Variants in PROZ observed in about 807,000 individuals in gnomAD.
PROZ encodes the protein protein Z, vitamin K dependent plasma glycoprotein.
A neutral mutation model predicts 34.9 loss-of-function variants in PROZ; 46 were observed. That is an observed-to-expected ratio of 1.32 (90% CI 1.04 to 1.69). The LOEUF is 1.69. Ranked by LOEUF, PROZ falls within the 40% of genes most tolerant of loss-of-function variation. The pLI, the probability that PROZ is intolerant of heterozygous loss-of-function variation, is 0.00. For synonymous variants in PROZ, 195 were observed against 208.5 expected, an observed-to-expected ratio of 0.94 and a Z score of 0.56; for missense variants, 530 against 520.4, an observed-to-expected ratio of 1.02 and a Z score of -0.18.
At position 113,159,970 on chromosome 13, in the gene PROZ, G is replaced by A. The variant is rs772393968; in HGVS notation, c.71-44G>A. The A allele has an allele frequency of 3.5e-5, 56 of 1,609,604 alleles. No homozygotes were observed. The highest frequency in any genetic ancestry group is 4.8e-5 in the Non-Finnish European group (56 of 1,177,154). Reference sequence around the variant, plus strand: ...AAGCCAGGCAGCTCTGGAAAGCAGGGCCCTCGGTGCTCCCAGTCACCTGCC... The same window carrying A: ...AAGCCAGGCAGCTCTGGAAAGCAGGACCCTCGGTGCTCCCAGTCACCTGCC... On this transcript the variant is annotated intron_variant, in intron 1 of 7. Transcript: ENST00000375547. The surrounding 1 kb of genome is among the most constrained non-coding windows in gnomAD (Gnocchi z 4.6).
In PROZ at chr13:113,159,791, T is replaced by C. The variant is rs569740661; in HGVS notation, c.71-223T>C. Among the ~76,000 whole-genome samples the C allele has an allele frequency of 1.2e-4, 18 of 152,302 alleles. No homozygotes were observed. The East Asian group carries it at 3.5e-3, about 29-fold the overall frequency. ...CCGTGGCCTCTCTGCAGAACCTTAG[T>C]GTATCCGCACTGATCCTGGGGCTGA... On this transcript the variant is annotated intron_variant, in intron 1 of 7. Transcript: ENST00000375547. The surrounding 1 kb of genome is among the most constrained non-coding windows in gnomAD (Gnocchi z 4.6).
chr13:113,159,466 G>A lies in PROZ; in HGVS notation c.71-548G>A, dbSNP rs572052676. On this transcript the variant is annotated intron_variant, in intron 1 of 7. Transcript: ENST00000375547. This position sits in a 1 kb window ranked among gnomAD's most constrained non-coding sequence, Gnocchi z 4.6. ...GAAGGGCCTGGGCTTTGACCCTCCC[G>A]GAGAGGGAGAGAACATGCTTTGGGA... Among the ~76,000 whole-genome samples the A allele has an allele frequency of 5.3e-5, 8 of 152,190 alleles. No homozygotes were observed. Among genetic ancestry groups the A allele is most frequent in the South Asian group, 4.1e-4 (2 of 4,826 alleles).
intron 4 of PROZ, among the ~76,000 whole-genome samples, chr13:113,163,670 CCTT>C (rs1254367538): frequency 1.3e-5 from 2 of 152,132 alleles, no homozygotes; most frequent in African/African-American, 4.8e-5. Context: ...CCATCTGCCT[CCTT>C]GATGCCCCAG....
chr13:113,166,768 T>G (rs2036947955), intron 6 of PROZ, among the ~76,000 whole-genome samples: 1 of 152,212 alleles, frequency 6.6e-6, no homozygotes, highest in African/African-American at 2.4e-5. Context: ...GGGTCGGTAC[T>G]TGGGAGGCCC....
chr13:113,170,590 G>A (rs1034922529), intron 7 of PROZ, 60 bp downstream of exon 7: 2 of 1,039,906 alleles, frequency 1.9e-6, no homozygotes, highest in Non-Finnish European at 3.0e-6. Context: ...TCCTATGTAA[G>A]AATGAAATGA....
At position 113,164,664 on chromosome 13, in the gene PROZ, C is replaced by A; in HGVS notation, c.505+20C>A. On this transcript the variant is annotated intron_variant, in intron 5 of 7. Coordinates refer to ENST00000375547, the MANE Select transcript of PROZ (RefSeq NM_003891.3). Reference sequence around the variant, plus strand: ...CCCACGGTGAGTGCTCAGACCACAGCGGCCTCCAGCTTCCAATGCCAGCGA... The same window carrying A: ...CCCACGGTGAGTGCTCAGACCACAGAGGCCTCCAGCTTCCAATGCCAGCGA... 6.2e-7 allele frequency: 1 copy of A among 1,612,806 alleles called. No homozygotes were observed. Among genetic ancestry groups the A allele is most frequent in the Non-Finnish European group, 8.5e-7 (1 of 1,179,736 alleles).
intron 3 of PROZ, 35 bp downstream of exon 3, chr13:113,161,007 A>AGG: frequency 1.3e-6 from 2 of 1,585,382 alleles, no homozygotes; most frequent in Non-Finnish European, 1.7e-6. Flanking sequence ...AGAAGTATTA[A>AGG]TTCCTCGGGA....
chr13:113,168,248 T>C (rs2037003716), intron 6 of PROZ, among the ~76,000 whole-genome samples: 1 of 152,260 alleles, frequency 6.6e-6, no homozygotes, highest in African/African-American at 2.4e-5. Flanking sequence ...TCATAACCTT[T>C]TCCAGTGTTC....
intron 5 of PROZ, 59 bp from the exon 6 acceptor site, chr13:113,164,994 G>A: frequency 3.3e-6 from 5 of 1,502,456 alleles, no homozygotes; most frequent in Non-Finnish European, 3.7e-6. Context: ...CATAGACAGA[G>A]TCCGATATTC....
rs1367592246 is a variant in PROZ, at chr13:113,163,129, C to T, written c.373+7C>T. ...GGCAGCAACTGCGAGCTGGGTGAGG[C>T]CCCGGCCGTCCCCTTCCCCCAAGGG... On this transcript the variant is annotated splice_region_variant and intron_variant, in intron 4 of 7. Transcript: ENST00000375547. 3 of 1,541,912 alleles carry T rather than the reference C, an allele frequency of 1.9e-6. No homozygotes were observed. In the African/African-American group the frequency reaches 4.1e-5, roughly 21 times the overall value.
chr13:113,161,154 G>A (rs751842478), intron 3 of PROZ, among the ~76,000 whole-genome samples, 182 bp downstream of exon 3: 55 of 152,162 alleles, frequency 3.6e-4, no homozygotes, highest in Non-Finnish European at 5.3e-4. Context: ...GGAAGCCCCC[G>A]GGCTCTGCCA....
rs1260264977 is a variant in PROZ, at chr13:113,165,142, G to A, written c.573+22G>A. Reference sequence around the variant, plus strand: ...GCAGGTAACAGAGCGCTCTCCGCGTGCTTCAATTTATTGTTATGACTTTCA... The same window carrying A: ...GCAGGTAACAGAGCGCTCTCCGCGTACTTCAATTTATTGTTATGACTTTCA... On this transcript the variant is annotated intron_variant, in intron 6 of 7. Transcript: ENST00000375547. 4 of 1,602,718 alleles carry A rather than the reference G, an allele frequency of 2.5e-6. No homozygotes were observed. In the South Asian group the frequency reaches 4.4e-5, roughly 18 times the overall value.
At chr13:113,160,879 T>C in intron 2 of PROZ, 69 bp from the exon 3 acceptor site, 1 of 1,344,988 alleles carries the variant, frequency 7.4e-7, no homozygotes. Flanking sequence ...ACCTTCAAGT[T>C]CATCTACAGG....
rs201874723 is a variant in PROZ, at chr13:113,165,084, G to C, written c.537G>C (p.Glu179Asp). 35 of 1,612,888 alleles carry C rather than the reference G, an allele frequency of 2.2e-5. No individual in the cohort carries two copies. In the South Asian group the frequency reaches 2.2e-4, roughly 10 times the overall value. The change falls in exon 6 of 8, where the codon GAG (glutamate) becomes GAC (aspartate). Residue 179 changes from glutamate to aspartate, a missense_variant. Glu to Asp is a conservative substitution (Grantham distance 45). Coordinates refer to ENST00000375547, the MANE Select transcript of PROZ (RefSeq NM_003891.3). ...DQCACGVLTS[E>D]KRAPDLQDLP... ...GTGCCTGCGGGGTGCTGACCTCTGAGAAGCGTGCACCGGATCTACAGGACC... is the reference window on the plus strand; with the variant it reads ...GTGCCTGCGGGGTGCTGACCTCTGACAAGCGTGCACCGGATCTACAGGACC...
At chr13:113,164,461 A>G in intron 4 of PROZ, 52 bp from the exon 5 acceptor site, 1 of 1,598,888 alleles carries the variant, frequency 6.3e-7, no homozygotes, top group Non-Finnish European at 8.6e-7. Context: ...CAAGGCTGTG[A>G]TAAAATGACT....
At chr13:113,163,496 A>T (rs556675009) in intron 4 of PROZ, among the ~76,000 whole-genome samples, 1 of 152,304 alleles carries the variant, frequency 6.6e-6, no homozygotes, top group South Asian at 2.1e-4. Flanking sequence ...CAAAGCACGT[A>T]AACAAATATC....
In PROZ at chr13:113,158,706, G is replaced by A. The variant is rs998305575; in HGVS notation, c.46G>A (p.Ala16Thr). 4 of 1,605,946 alleles carry A rather than the reference G, an allele frequency of 2.5e-6. No individual in the cohort carries two copies. Among genetic ancestry groups the A allele is most frequent in the Non-Finnish European group, 3.4e-6 (4 of 1,176,754 alleles). ...PLLQGLVLVL[A>T]LHRVEPSVFL... ...GCTCCAGGGCCTGGTCCTGGTCCTC[G>A]CCCTCCATCGTGTGGAGCCCTCAGG... Residue 16 changes from alanine (A) to threonine (T), a missense_variant, in exon 1 of 8, where the codon GCC (alanine) becomes ACC (threonine). Transcript: ENST00000375547. The surrounding 1 kb of genome is among the most constrained non-coding windows in gnomAD (Gnocchi z 4.3).
chr13:113,165,613 C>G (rs2036903995), intron 6 of PROZ, among the ~76,000 whole-genome samples: 1 of 152,218 alleles, frequency 6.6e-6, no homozygotes, highest in African/African-American at 2.4e-5. Context: ...TCACTGCAAC[C>G]TCTGCCTCCT....
intron 7 of PROZ, 143 bp downstream of exon 7, chr13:113,170,673 C>T: frequency 1.5e-6 from 1 of 649,696 alleles, no homozygotes; most frequent in Non-Finnish European, 2.7e-6. Flanking sequence ...AGATACTTAT[C>T]AACTCAGGAA....
Sources: gnomAD v4.1 joint callset for allele counts (sites outside exome capture counted in the v4.1 genomes callset) on GRCh38, gnomAD v4.1.1 for gene constraint, Gnocchi (gnomAD v3.1) non-coding constraint, MANE v1.5 for transcripts, NCBI Gene and HGNC (gene_info 2026-07-23, HGNC 2026-07-21) for gene names.